The following NFATC3 variants were observed in gnomAD, a reference collection of about 807,000 sequenced individuals.
NFATC3 encodes nuclear factor of activated T cells 3, also known as nuclear factor of activated T-cells, cytoplasmic 3.
Under a neutral mutation model 98.6 loss-of-function variants are expected in NFATC3, and 46 were observed. The observed-to-expected ratio is 0.47, with a 90% CI of 0.37 to 0.60. The LOEUF is 0.60. Among genes scored for constraint, NFATC3 ranks in the 20% least tolerant of loss-of-function variants. The pLI, the probability that NFATC3 is intolerant of heterozygous loss-of-function variation, is 0.00. For synonymous variants in NFATC3, 512 were observed against 472.2 expected, an observed-to-expected ratio of 1.08 and a Z score of -1.09; for missense variants, 1,256 against 1,295.5, an observed-to-expected ratio of 0.97 and a Z score of 0.47.
rs1376071084 is a variant in NFATC3, at chr16:68,098,294, A to ATT, written c.103+12511_103+12512dup. The stretch of plus-strand genomic sequence containing the variant: ...GTCTATTATTATTATTATTATTATT[A>ATT]TTATTATTTTTTTTTTTTTTTTTTT... On this transcript the variant is annotated intron_variant, in intron 1 of 9. Coordinates refer to ENST00000346183, the MANE Select transcript of NFATC3 (RefSeq NM_173165.3). 1.4e-3 allele frequency among the ~76,000 whole-genome samples: 148 copies of ATT among 104,376 alleles called. 7 individuals carry two copies. The highest frequency in any genetic ancestry group is 5.7e-3 in the African/African-American group (129 of 22,672). 68.5% of individuals were successfully genotyped at this position (104,376 alleles called of 152,430 possible).
rs2034316593 is a variant in NFATC3, at chr16:68,085,547, G to C, written c.-135G>C. On this transcript the variant is annotated 5_prime_UTR_variant, in exon 1 of 10. Transcript: ENST00000346183. ...ACGCTCGGCGTCGCGGGCCCCGCCCGGAAAGTTTGCCGTGGAGTCGCGACC... is the reference window on the plus strand; with the variant it reads ...ACGCTCGGCGTCGCGGGCCCCGCCCCGAAAGTTTGCCGTGGAGTCGCGACC... 1.4e-6 allele frequency: 1 copy of C among 722,932 alleles called. No homozygotes were observed. The highest frequency in any genetic ancestry group is 4.1e-4 in the Middle Eastern group (1 of 2,464). 44.8% of individuals were successfully genotyped at this position (722,932 alleles called of 1,614,324 possible).
In NFATC3 at chr16:68,188,943, A is replaced by G. The variant is rs536022948; in HGVS notation, c.2099-1825A>G. Reference sequence around the variant, plus strand: ...GGCTGGTCTCGAATTCCTGACCTCAAGTGATCCTCCCACCTCAGCCTCCCA... The same window carrying G: ...GGCTGGTCTCGAATTCCTGACCTCAGGTGATCCTCCCACCTCAGCCTCCCA... On this transcript the variant is annotated intron_variant, in intron 8 of 9. Coordinates refer to ENST00000346183, the MANE Select transcript of NFATC3 (RefSeq NM_173165.3). 4.9e-3 allele frequency among the ~76,000 whole-genome samples: 747 copies of G among 152,182 alleles called. 4 individuals are homozygous for G. The highest frequency in any genetic ancestry group is 7.8e-3 in the Non-Finnish European group (531 of 67,998).
At chr16:68,145,013 G>A (rs1020766438) in intron 3 of NFATC3, among the ~76,000 whole-genome samples, 6 of 151,976 alleles carry the variant, frequency 3.9e-5, no homozygotes, top group Non-Finnish European at 8.8e-5. Context: ...TCACTATGTT[G>A]CCCAGGCTGG....
intron 5 of NFATC3, among the ~76,000 whole-genome samples, 190 bp downstream of exon 5, chr16:68,167,205 G>T (rs1223803373): frequency 1.9e-4 from 29 of 152,192 alleles, no homozygotes; most frequent in Admixed American, 1.9e-3. Context: ...ATTAGAAAAT[G>T]GTTTCTCATG....
chr16:68,195,851 C>T (rs916399983), intron 9 of NFATC3, among the ~76,000 whole-genome samples: 5 of 152,016 alleles, frequency 3.3e-5, no homozygotes, highest in Admixed American at 2.6e-4. Flanking sequence ...AAAACTGAAA[C>T]GCACTCTTTT....
chr16:68,191,349 C>T lies in NFATC3; in HGVS notation c.2680C>T (p.Leu894Phe), dbSNP rs1340127231. Residue 894 changes from leucine to phenylalanine, a missense_variant, in exon 9 of 10, where the codon CTT becomes TTT. Leu to Phe is a conservative substitution (Grantham distance 22). Coordinates refer to ENST00000346183, the MANE Select transcript of NFATC3 (RefSeq NM_173165.3). ...YHCSNTGQRS[L>F]SSPVADQITG... is the part of the protein sequence containing the mutation. ...TTGTTCAAATACAGGACAAAGATCT[C>T]TTTCTTCTCCAGTGGCTGACCAGAT... The T allele has an allele frequency of 6.2e-7, 1 of 1,614,176 alleles. No individual in the cohort carries two copies.
chr16:68,176,396 A>G (rs2039709597), intron 6 of NFATC3, among the ~76,000 whole-genome samples: 1 of 142,072 alleles, frequency 7.0e-6, no homozygotes, highest in African/African-American at 2.6e-5. Context: ...TATTGCCTCT[A>G]TTCTTTGAAA....
chr16:68,140,525 T>C (rs1166562830), intron 3 of NFATC3, among the ~76,000 whole-genome samples: 2 of 152,204 alleles, frequency 1.3e-5, no homozygotes, highest in African/African-American at 4.8e-5. Context: ...AGTAGCCACA[T>C]GTGGATACTG....
intron 1 of NFATC3, among the ~76,000 whole-genome samples, chr16:68,110,124 C>A (rs1471937555): frequency 6.6e-6 from 1 of 152,024 alleles, no homozygotes; most frequent in Non-Finnish European, 1.5e-5. Flanking sequence ...CCTGCTTCAG[C>A]CTCTTGAGTA....
chr16:68,166,816 A>C (rs1385201804), intron 4 of NFATC3, 27 bp from the exon 5 acceptor site: 12 of 1,560,384 alleles, frequency 7.7e-6, no homozygotes, highest in Middle Eastern at 1.7e-4. Flanking sequence ...CAATAAACAA[A>C]TTAAATTTTT....
At chr16:68,132,797 T>C (rs575336297) in intron 3 of NFATC3, among the ~76,000 whole-genome samples, 3 of 152,320 alleles carry the variant, frequency 2.0e-5, no homozygotes, top group Non-Finnish European at 2.9e-5. Flanking sequence ...TTTTCACTTA[T>C]ATGAAGGGGC....
intron 9 of NFATC3, 37 bp from the exon 10 acceptor site, chr16:68,226,311 CAG>C: frequency 6.5e-7 from 1 of 1,549,400 alleles, no homozygotes; most frequent in Non-Finnish European, 8.7e-7. Context: ...GCTAATCACT[CAG>C]AGGTCACTAA....
Position 68,166,854 on chromosome 16 carries a change from C to T in NFATC3, c.1613C>T (p.Ala538Val). 2 of 1,612,382 alleles carry T rather than the reference C, an allele frequency of 1.2e-6. No homozygotes were observed. Among genetic ancestry groups the T allele is most frequent in the Middle Eastern group, 1.7e-4 (1 of 6,056 alleles). The change falls in exon 5 of 10, where the codon GCA becomes GTA. Residue 538 changes from alanine to valine, a missense_variant. Around this residue, in one of 3 missense-constraint regions of NFATC3, gnomAD observed 156 missense variants for 212.4 expected, o/e 0.73. Transcript: ENST00000346183. Reference sequence around the variant, plus strand: ...ATTTTTCTCTTTAGTATTGATTGTGCAGGTATTTTGAAACTCCGCAATTCA... The same window carrying T: ...ATTTTTCTCTTTAGTATTGATTGTGTAGGTATTTTGAAACTCCGCAATTCA... ...ENNMSASIDC[A>V]GILKLRNSDI... is the part of the protein sequence containing the mutation.
At chr16:68,098,297 A>ATTTTTTT (rs71382032) in intron 1 of NFATC3, among the ~76,000 whole-genome samples, 36 of 101,430 alleles carry the variant, frequency 3.5e-4, no homozygotes, top group African/African-American at 1.3e-3. Context: ...TATTATTATT[A>ATTTTTTT]TTATTTTTTT....
intron 1 of NFATC3, among the ~76,000 whole-genome samples, chr16:68,092,818 A>T (rs2034800895): frequency 6.6e-6 from 1 of 152,218 alleles, no homozygotes; most frequent in South Asian, 2.1e-4. Context: ...GTTAAACTTC[A>T]AAAATTGACT....
At chr16:68,110,375 C>T (rs1212877919) in intron 1 of NFATC3, among the ~76,000 whole-genome samples, 2 of 148,152 alleles carry the variant, frequency 1.3e-5, no homozygotes, top group African/African-American at 5.0e-5. Flanking sequence ...GTGGCCCAAT[C>T]TCGGCTCACT....
At chr16:68,218,110 A>G (rs1598623761) in intron 9 of NFATC3, 2 of 869,990 alleles carry the variant, frequency 2.3e-6, no homozygotes, top group East Asian at 1.1e-4. Flanking sequence ...CCTAGGCTGG[A>G]GTGCAGTGGT....
chr16:68,128,577 A>G (rs763408706), intron 3 of NFATC3, among the ~76,000 whole-genome samples: 10 of 152,252 alleles, frequency 6.6e-5, no homozygotes, highest in Middle Eastern at 3.4e-3. Flanking sequence ...AAACCGATGC[A>G]TGTGCTGTGG....
intron 3 of NFATC3, among the ~76,000 whole-genome samples, chr16:68,142,934 C>T (rs1459756201): frequency 6.6e-6 from 1 of 151,838 alleles, no homozygotes; most frequent in East Asian, 1.9e-4. Flanking sequence ...TAATAAATTA[C>T]AAGAAATATG....
Sources: gnomAD v4.1 joint callset for allele counts (sites outside exome capture counted in the v4.1 genomes callset) on GRCh38, gnomAD v4.1.1 for gene constraint, gnomAD v4.1.1 regional missense constraint, MANE v1.5 for transcripts, NCBI Gene and HGNC (gene_info 2026-07-23, HGNC 2026-07-21) for gene names.